MYOF: variants seen among roughly 807,000 people sequenced by gnomAD.
MYOF encodes fer-1-like 3, myoferlin.
In MYOF, 244 loss-of-function variants were observed where a neutral mutation model predicts 284.2. The ratio of observed to expected loss-of-function variants is 0.86; its 90% CI spans 0.77 to 0.95. The LOEUF is 0.95. Among genes scored for constraint, MYOF ranks in the 40% least tolerant of loss-of-function variants. The probability of loss-of-function intolerance (pLI) is 0.00; values close to 1 mark genes in which losing one functional copy is unlikely to be tolerated. For missense variants in MYOF, 2,496 were observed against 2,560.6 expected, an observed-to-expected ratio of 0.97 and a Z score of 0.54; for synonymous variants, 904 against 919.7, an observed-to-expected ratio of 0.98 and a Z score of 0.31.
chr10:93,307,010 G>GAAACA lies in MYOF; in HGVS notation c.6148-14_6148-10dup, dbSNP rs1564603536. The GAAACA allele has an allele frequency of 3.1e-6, 5 of 1,610,194 alleles. No homozygotes were observed. In the South Asian group the frequency reaches 5.5e-5, roughly 18 times the overall value. ...TTCATTGACAAATAGTTCTGGAAAG[G>GAAACA]AAACAAAAACAGTGGTAAAAAAACA... On this transcript the variant is annotated splice_polypyrimidine_tract_variant and intron_variant, in intron 53 of 53. Transcript: ENST00000359263.
intron 51 of MYOF, among the ~76,000 whole-genome samples, chr10:93,312,696 C>T (rs928725863): frequency 5.3e-5 from 8 of 151,728 alleles, no homozygotes; most frequent in African/African-American, 1.7e-4. Flanking sequence ...CTTTTCCATA[C>T]GAAATTGTAC....
chr10:93,465,133 G>A (rs1270574502), intron 1 of MYOF, among the ~76,000 whole-genome samples: 2 of 152,132 alleles, frequency 1.3e-5, no homozygotes, highest in Non-Finnish European at 2.9e-5. Flanking sequence ...CAGTTACAGA[G>A]GAAGAAACCA....
Position 93,400,495 on chromosome 10 carries a change from G to C in MYOF, c.1117+923C>G, listed in dbSNP as rs566241718. ...TGACACATTTTTGAGAGAAAGGTGG[G>C]TATGGGGAGGCCCTACAATACTATC... On this transcript the variant is annotated intron_variant, in intron 12 of 53. Coordinates refer to ENST00000359263, the MANE Select transcript of MYOF (RefSeq NM_013451.4). Among the ~76,000 whole-genome samples the C allele has an allele frequency of 3.9e-5, 6 of 152,080 alleles. No homozygotes were observed. The East Asian group carries it at 1.2e-3, about 29-fold the overall frequency.
At chr10:93,342,887 A>G (rs999025031) in intron 38 of MYOF, among the ~76,000 whole-genome samples, 10 of 152,240 alleles carry the variant, frequency 6.6e-5, no homozygotes, top group South Asian at 2.1e-4. Flanking sequence ...CAAAGTGATC[A>G]CAGTAGTTTT....
chr10:93,402,457 C>T, intron 10 of MYOF, 110 bp from the exon 11 acceptor site: 1 of 833,556 alleles, frequency 1.2e-6, no homozygotes, highest in Non-Finnish European at 2.0e-6. Flanking sequence ...CTCTTCACGA[C>T]ACACCAAATT....
Position 93,397,457 on chromosome 10 carries a change from C to T in MYOF, c.1222-1G>A. The T allele has an allele frequency of 6.2e-7, 1 of 1,602,966 alleles. No individual in the cohort carries two copies. The highest frequency in any genetic ancestry group is 8.5e-7 in the Non-Finnish European group (1 of 1,176,878). ...TTTTCTCAATTATGTTTGTACAAAC[C>T]TGTAAAATCACCAAAGCAAAAGTGT... On this transcript the variant is annotated splice_acceptor_variant, in intron 13 of 53. Coordinates refer to ENST00000359263, the MANE Select transcript of MYOF (RefSeq NM_013451.4). LOFTEE classifies it high-confidence loss of function.
chr10:93,323,312 G>A lies in MYOF; in HGVS notation c.5318C>T (p.Pro1773Leu), dbSNP rs1000741959. The A allele has an allele frequency of 6.2e-7, 1 of 1,613,978 alleles. No homozygotes were observed. The highest frequency in any genetic ancestry group is 8.5e-7 in the Non-Finnish European group (1 of 1,179,904). ...WVDVFPKSLGPPGPPFNITPR... is the reference protein window; with the variant it reads ...WVDVFPKSLGLPGPPFNITPR... Reference sequence around the variant, plus strand: ...TGTGATGTTGAAAGGAGGGCCTGGTGGCCCCAAACTCTTGGGGAAAACATC... The same window carrying A: ...TGTGATGTTGAAAGGAGGGCCTGGTAGCCCCAAACTCTTGGGGAAAACATC... The change falls in exon 47 of 54, where the codon CCA becomes CTA. Residue 1773 changes from proline to leucine, a missense_variant. Transcript: ENST00000359263.
chr10:93,344,465 T>C (rs952138795), intron 37 of MYOF, among the ~76,000 whole-genome samples: 1 of 152,084 alleles, frequency 6.6e-6, no homozygotes, highest in East Asian at 1.9e-4. Context: ...TGTATTCCCA[T>C]AGCTTAGCTC....
chr10:93,397,525 A>G, intron 13 of MYOF, 69 bp from the exon 14 acceptor site: 1 of 1,117,588 alleles, frequency 8.9e-7, no homozygotes, highest in Non-Finnish European at 1.3e-6. Flanking sequence ...CAATCTATGC[A>G]TACTAGATTA....
rs1483080918 is a variant in MYOF, at chr10:93,306,746, T to C, written c.*217A>G. ...AAAACATGATTTAAACTTTAGAAAATAAAACTTTTAATACTTAAGAGATAA... is the reference window on the plus strand; with the variant it reads ...AAAACATGATTTAAACTTTAGAAAACAAAACTTTTAATACTTAAGAGATAA... On this transcript the variant is annotated 3_prime_UTR_variant, in exon 54 of 54. Transcript: ENST00000359263. 4.1e-6 allele frequency: 2 copies of C among 488,648 alleles called. No individual in the cohort carries two copies. The highest frequency in any genetic ancestry group is 3.6e-6 in the Non-Finnish European group (1 of 278,822). 30.3% of individuals were successfully genotyped at this position (488,648 alleles called of 1,614,324 possible). A position where few individuals can be genotyped will look rare whatever the true frequency, so the allele number is the denominator to read the frequency against.
intron 13 of MYOF, 32 bp downstream of exon 13, chr10:93,399,360 T>C: frequency 1.4e-6 from 2 of 1,471,698 alleles, no homozygotes; most frequent in Non-Finnish European, 1.9e-6. Context: ...TATTTATTAC[T>C]AGCAGCATCT....
rs1848867637 is a variant in MYOF, at chr10:93,431,493, G to T, written c.260C>A (p.Ala87Asp). 2.5e-6 allele frequency: 4 copies of T among 1,613,896 alleles called. No individual in the cohort carries two copies. Among genetic ancestry groups the T allele is most frequent in the Middle Eastern group, 1.7e-4 (1 of 6,058 alleles). Residue 87 changes from alanine (A) to aspartate (D), a missense_variant, in exon 4 of 54, where the codon GCC (alanine) becomes GAC (aspartate). Transcript: ENST00000359263. Reference protein sequence around the residue: ...QNKLIGTATVALKDLTGDQSR... With the variant: ...QNKLIGTATVDLKDLTGDQSR... ...CTGGTCACCAGTCAGGTCCTTCAGG[G>T]CTACAGTCGCCGTGCCAATTAATCT...
At position 93,328,905 on chromosome 10, in the gene MYOF, T is replaced by A. The variant is rs374815174; in HGVS notation, c.4989A>T (p.Gly1663=). The A allele has an allele frequency of 1.9e-6, 3 of 1,603,670 alleles. No individual in the cohort carries two copies. Among genetic ancestry groups the A allele is most frequent in the Non-Finnish European group, 2.6e-6 (3 of 1,171,870 alleles). ...CGIPEEYCVS[G]VNTWRDQLRP... ...TCAGTTGATCTCGCCAGGTATTGAC[T>A]CCAGAACTGTGAATAGCATCACGTG... The change falls in exon 45 of 54, where the codon GGA becomes GGT. Residue 1663 remains glycine (G), a synonymous_variant. Coordinates refer to ENST00000359263, the MANE Select transcript of MYOF (RefSeq NM_013451.4).
At chr10:93,329,191 G>C (rs565347757) in intron 44 of MYOF, among the ~76,000 whole-genome samples, 1 of 152,220 alleles carries the variant, frequency 6.6e-6, no homozygotes, top group South Asian at 2.1e-4. Context: ...AGTCATAATA[G>C]GCAAACTCAT....
chr10:93,317,744 T>C (rs787677), intron 49 of MYOF, among the ~76,000 whole-genome samples: 1 of 152,256 alleles, frequency 6.6e-6, no homozygotes, highest in South Asian at 2.1e-4. Flanking sequence ...TAAGTGTCCT[T>C]CAAGTTCTTG....
rs370798948 is a variant in MYOF at position 93,399,467 on chromosome 10, C to T, written c.1146G>A (p.Lys382=). 1 of 1,613,366 alleles carries T rather than the reference C, an allele frequency of 6.2e-7. No homozygotes were observed. The highest frequency in any genetic ancestry group is 8.5e-7 in the Non-Finnish European group (1 of 1,179,576). Residue 382 remains lysine (K), a synonymous_variant, in exon 13 of 54, where the codon AAG becomes AAA. Coordinates refer to ENST00000359263, the MANE Select transcript of MYOF (RefSeq NM_013451.4). ...QMDDAFSQTV[K]EIFGGNADKK... ...TATCTGCATTGCCTCCAAATATTTC[C>T]TTTACTGTCTGTGAGAAGGCATCAT...
intron 17 of MYOF, among the ~76,000 whole-genome samples, chr10:93,392,509 A>T (rs1250562299): frequency 6.6e-6 from 1 of 152,194 alleles, no homozygotes; most frequent in East Asian, 1.9e-4. Flanking sequence ...GGTGCAAAGT[A>T]AAAAACGTTC....
intron 3 of MYOF, among the ~76,000 whole-genome samples, chr10:93,435,503 C>T (rs574160442): frequency 5.2e-4 from 79 of 152,344 alleles, no homozygotes; most frequent in African/African-American, 1.6e-3. Flanking sequence ...TGTGTCCCCA[C>T]TTTCTTGAAG....
chr10:93,339,845 T>C (rs113306445), intron 39 of MYOF, among the ~76,000 whole-genome samples: 45,427 of 151,654 alleles, frequency 0.3, 8,711 homozygotes, highest in East Asian at 0.89. Context: ...TTTGGGAGGC[T>C]GAGGCGGGTG....
Sources: allele counts gnomAD v4.1 joint callset (sites outside exome capture counted in the v4.1 genomes callset), GRCh38; gene constraint gnomAD v4.1.1; transcripts MANE v1.5; gene names NCBI Gene and HGNC (gene_info 2026-07-23, HGNC 2026-07-21).